The following QKI variants were observed in gnomAD, a reference collection of about 807,000 sequenced individuals.
The protein encoded by QKI is QKI, KH domain containing RNA binding, also known as KH domain-containing RNA-binding protein QKI.
In QKI, 10 loss-of-function variants were observed where a neutral mutation model predicts 39.0. The observed-to-expected ratio is 0.26, with a 90% CI of 0.16 to 0.43. QKI has a LOEUF of 0.43. Among genes scored for constraint, QKI ranks in the 20% least tolerant of loss-of-function variants. The probability of loss-of-function intolerance (pLI) is 1.00; values close to 1 mark genes in which losing one functional copy is unlikely to be tolerated. For synonymous variants in QKI, 204 were observed against 155.4 expected, an observed-to-expected ratio of 1.31 and a Z score of -2.33; for missense variants, 218 against 428.0, an observed-to-expected ratio of 0.51 and a Z score of 4.33.
At chr6:163,518,416 C>G (rs910560229) in intron 3 of QKI, among the ~76,000 whole-genome samples, 2 of 152,074 alleles carry the variant, frequency 1.3e-5, no homozygotes, top group Non-Finnish European at 2.9e-5. Flanking sequence ...AATTGGAAAT[C>G]ATGTTTTACA....
chr6:163,541,035 A>G (rs1174318986), intron 4 of QKI, among the ~76,000 whole-genome samples: 2 of 151,706 alleles, frequency 1.3e-5, no homozygotes, highest in East Asian at 3.9e-4. Flanking sequence ...GTTTAGTTTT[A>G]CTTGGGGACA....
chr6:163,541,188 A>G (rs1781484324), intron 4 of QKI, among the ~76,000 whole-genome samples: 4 of 152,174 alleles, frequency 2.6e-5, no homozygotes, highest in Admixed American at 2.0e-4. Context: ...CATTCAGTGC[A>G]AAAGTTTTTT....
chr6:163,545,989 T>C (rs1315922779), intron 4 of QKI, among the ~76,000 whole-genome samples: 4 of 148,874 alleles, frequency 2.7e-5, no homozygotes, highest in East Asian at 3.9e-4. Flanking sequence ...TAAATATTAA[T>C]GTAAACTATT....
chr6:163,549,131 G>A (rs80306802), intron 4 of QKI, among the ~76,000 whole-genome samples: 4,167 of 152,186 alleles, frequency 0.027, 188 homozygotes, highest in African/African-American at 0.094. Flanking sequence ...TCTTCACAGG[G>A]CGGCAGGAAA....
At chr6:163,540,258 G>A (rs969300336) in intron 4 of QKI, among the ~76,000 whole-genome samples, 5 of 152,010 alleles carry the variant, frequency 3.3e-5, no homozygotes, top group Non-Finnish European at 4.4e-5. Flanking sequence ...GGAGTAGGGA[G>A]GGGCAGACTT....
chr6:163,557,465 G>T (rs1006549051), intron 4 of QKI, among the ~76,000 whole-genome samples: 2 of 152,220 alleles, frequency 1.3e-5, no homozygotes, highest in African/African-American at 4.8e-5. Context: ...ACTTTTTTGT[G>T]GGAGCTAAAA....
intron 3 of QKI, among the ~76,000 whole-genome samples, chr6:163,491,898 G>A (rs116051442): frequency 2.2e-3 from 330 of 152,298 alleles, no homozygotes; most frequent in African/African-American, 7.4e-3. Context: ...TCCAGGATGA[G>A]TTAATTGCCC....
intron 4 of QKI, among the ~76,000 whole-genome samples, chr6:163,559,571 G>A (rs965392338): frequency 3.9e-5 from 6 of 152,130 alleles, no homozygotes; most frequent in African/African-American, 1.4e-4. Context: ...CAAGTTGATA[G>A]GAGTCAAATT....
At chr6:163,433,162 A>G (rs560282071) in intron 1 of QKI, among the ~76,000 whole-genome samples, 1 of 152,368 alleles carries the variant, frequency 6.6e-6, no homozygotes, top group South Asian at 2.1e-4. Flanking sequence ...AAATTGGAAC[A>G]CATTAACTGA....
At chr6:163,523,074 T>C (rs577231471) in intron 3 of QKI, among the ~76,000 whole-genome samples, 1 of 152,334 alleles carries the variant, frequency 6.6e-6, no homozygotes, top group Admixed American at 6.5e-5. Flanking sequence ...TGTGATCTTT[T>C]GCTCGATGAG....
At chr6:163,433,502 C>T (rs191012256) in intron 1 of QKI, among the ~76,000 whole-genome samples, 4 of 152,334 alleles carry the variant, frequency 2.6e-5, no homozygotes, top group Non-Finnish European at 5.9e-5. Flanking sequence ...CACGGTGGCT[C>T]ATGCCTGTAA....
In QKI at chr6:163,563,509, C is replaced by A; in HGVS notation, c.724C>A (p.Arg242Ser). The A allele has an allele frequency of 6.2e-7, 1 of 1,614,198 alleles. No homozygotes were observed. The highest frequency in any genetic ancestry group is 8.5e-7 in the Non-Finnish European group (1 of 1,180,028). ...GCCGGTTCTCCCACCAGCTGCCCTG[C>A]GTACTCCTACGCCAGCTGGCCCTAC... The part of the protein sequence containing the change: ...PAPVLPPAAL[R>S]TPTPAGPTIM... Residue 242 changes from arginine to serine, a missense_variant, in exon 6 of 8, where the codon CGT becomes AGT. This residue lies in a region of QKI where 117 missense variants were observed against 186.0 expected (regional missense o/e 0.63). Coordinates refer to ENST00000361752, the MANE Select transcript of QKI (RefSeq NM_006775.3).
chr6:163,496,146 TCCCATTCG>T (rs1778390426), intron 3 of QKI, among the ~76,000 whole-genome samples: 1 of 152,210 alleles, frequency 6.6e-6, no homozygotes, highest in Admixed American at 6.5e-5. Flanking sequence ...TTCTTGCATA[TCCCATTCG>T]TTTGCTGATT....
chr6:163,548,597 G>A (rs907936405), intron 4 of QKI, among the ~76,000 whole-genome samples: 1 of 152,148 alleles, frequency 6.6e-6, no homozygotes, highest in Non-Finnish European at 1.5e-5. Flanking sequence ...GATTGTAATA[G>A]AACATGGTCA....
At chr6:163,480,669 T>A (rs1793008536) in intron 3 of QKI, among the ~76,000 whole-genome samples, 1 of 152,190 alleles carries the variant, frequency 6.6e-6, no homozygotes, top group Admixed American at 6.5e-5. Context: ...TTTATGAGAA[T>A]CTTAAAAAAA....
intron 3 of QKI, among the ~76,000 whole-genome samples, chr6:163,510,451 C>T (rs1198221340): frequency 2.0e-5 from 3 of 151,264 alleles, no homozygotes; most frequent in Admixed American, 6.6e-5. Flanking sequence ...ACCCCAGCTA[C>T]TTGGGAGGCT....
At chr6:163,450,692 G>C (rs377403931) in intron 1 of QKI, among the ~76,000 whole-genome samples, 17 of 152,074 alleles carry the variant, frequency 1.1e-4, no homozygotes, top group African/African-American at 4.1e-4. Context: ...AGTAGTAACA[G>C]GTTTTCAGGC....
chr6:163,454,088 C>T (rs1034337816), intron 1 of QKI, among the ~76,000 whole-genome samples: 1 of 152,088 alleles, frequency 6.6e-6, no homozygotes, highest in African/African-American at 2.4e-5. Flanking sequence ...TTTTTAAATA[C>T]TAATGGATGC....
intron 2 of QKI, among the ~76,000 whole-genome samples, chr6:163,478,136 TA>T (rs1198583265): frequency 6.6e-6 from 1 of 152,166 alleles, no homozygotes; most frequent in Non-Finnish European, 1.5e-5. Flanking sequence ...GGTAATTTTT[TA>T]TTTTTTTATT....
Sources: allele counts gnomAD v4.1 joint callset (sites outside exome capture counted in the v4.1 genomes callset), GRCh38; gene constraint gnomAD v4.1.1; regional missense constraint gnomAD v4.1.1; transcripts MANE v1.5; gene names NCBI Gene and HGNC (gene_info 2026-07-23, HGNC 2026-07-21).